Variants in ATRNL1 observed in about 807,000 individuals in gnomAD.
ATRNL1 encodes attractin-like protein 1.
A neutral mutation model predicts 182.7 loss-of-function variants in ATRNL1; 95 were observed. The observed-to-expected ratio is 0.52, with a 90% CI of 0.44 to 0.62. The LOEUF is 0.62. Ranked by LOEUF, ATRNL1 falls within the 20% of genes least tolerant of loss-of-function variation. The pLI, the probability that ATRNL1 is intolerant of heterozygous loss-of-function variation, is 0.00. For synonymous variants in ATRNL1, 576 were observed against 568.3 expected, an observed-to-expected ratio of 1.01 and a Z score of -0.19; for missense variants, 1,471 against 1,679.5, an observed-to-expected ratio of 0.88 and a Z score of 2.17.
At chr10:115,610,983 A>G (rs1555018813) in intron 26 of ATRNL1, among the ~76,000 whole-genome samples, 5 of 152,076 alleles carry the variant, frequency 3.3e-5, no homozygotes, top group Non-Finnish European at 1.5e-5. Flanking sequence ...AAACATGTAC[A>G]TGATATATTA....
intron 27 of ATRNL1, among the ~76,000 whole-genome samples, chr10:115,757,959 A>G (rs1318772086): frequency 6.6e-6 from 1 of 151,218 alleles, no homozygotes; most frequent in African/African-American, 2.4e-5. Context: ...TCGGTTATTG[A>G]TACTTGTGTA....
chr10:115,368,188 G>A (rs958198764), intron 19 of ATRNL1, among the ~76,000 whole-genome samples: 59 of 152,334 alleles, frequency 3.9e-4, no homozygotes, highest in African/African-American at 1.2e-3. Context: ...CTCCGTGGGC[G>A]TAGGACCCTC....
chr10:115,518,032 A>C (rs1850726922), intron 24 of ATRNL1, among the ~76,000 whole-genome samples: 1 of 151,954 alleles, frequency 6.6e-6, no homozygotes, highest in Non-Finnish European at 1.5e-5. Flanking sequence ...TACTATATTT[A>C]AGCTTACATG....
chr10:115,852,501 G>T (rs564599642), intron 28 of ATRNL1, among the ~76,000 whole-genome samples: 3 of 152,196 alleles, frequency 2.0e-5, no homozygotes, highest in Admixed American at 2.0e-4. Context: ...ATTCATTGGT[G>T]TGACCCTCTT....
At chr10:115,929,109 C>T (rs1589708145) in intron 28 of ATRNL1, among the ~76,000 whole-genome samples, 3 of 151,894 alleles carry the variant, frequency 2.0e-5, no homozygotes, top group Admixed American at 2.0e-4. Flanking sequence ...TGCATTTTTA[C>T]TCATTTCAAC....
chr10:115,139,632 G>T (rs974616584), intron 5 of ATRNL1, among the ~76,000 whole-genome samples: 1 of 152,146 alleles, frequency 6.6e-6, no homozygotes, highest in African/African-American at 2.4e-5. Context: ...CTTCCATAAC[G>T]TGGGAATTCA....
At chr10:115,104,220 T>C (rs1554865358) in intron 1 of ATRNL1, among the ~76,000 whole-genome samples, 1 of 152,204 alleles carries the variant, frequency 6.6e-6, no homozygotes, top group Non-Finnish European at 1.5e-5. Flanking sequence ...TGTCTGCCTT[T>C]TGGATATGAG....
chr10:115,599,132 G>A (rs537285995), intron 26 of ATRNL1, among the ~76,000 whole-genome samples: 28 of 152,274 alleles, frequency 1.8e-4, no homozygotes, highest in South Asian at 1.0e-3. Flanking sequence ...CAAGCTTAAA[G>A]TACTGTATTG....
intron 28 of ATRNL1, among the ~76,000 whole-genome samples, chr10:115,926,080 A>T (rs1383352664): frequency 2.6e-5 from 4 of 152,214 alleles, no homozygotes; most frequent in Non-Finnish European, 5.9e-5. Flanking sequence ...AGTGCAATCA[A>T]ATTAGAACTC....
intron 28 of ATRNL1, among the ~76,000 whole-genome samples, chr10:115,898,053 G>A (rs548400776): frequency 2.6e-5 from 4 of 151,868 alleles, no homozygotes; most frequent in Non-Finnish European, 4.4e-5. Context: ...TCAGCCTCCC[G>A]AGTAGCTGGG....
chr10:115,680,478 A>G (rs527598237), intron 26 of ATRNL1, among the ~76,000 whole-genome samples: 41 of 152,284 alleles, frequency 2.7e-4, no homozygotes, highest in South Asian at 1.9e-3. Flanking sequence ...CAAGATGCCT[A>G]GTAACTATAG....
intron 27 of ATRNL1, among the ~76,000 whole-genome samples, chr10:115,753,319 T>A (rs1948499783): frequency 1.2e-5 from 1 of 80,312 alleles, no homozygotes; most frequent in Non-Finnish European, 2.7e-5. Context: ...ATGCTATCCC[T>A]CCCCTAGTGC....
At chr10:115,472,483 A>G (rs1271630920) in intron 24 of ATRNL1, among the ~76,000 whole-genome samples, 8 of 151,026 alleles carry the variant, frequency 5.3e-5, no homozygotes, top group Non-Finnish European at 1.2e-4. Flanking sequence ...TGAACATAGG[A>G]TATTTTCCAT....
intron 24 of ATRNL1, among the ~76,000 whole-genome samples, chr10:115,493,081 T>A (rs1167214779): frequency 6.6e-6 from 1 of 150,712 alleles, no homozygotes; most frequent in African/African-American, 2.4e-5. Context: ...AAAAATAATC[T>A]TTTTTTTTGC....
At chr10:115,625,724 T>C (rs1481679299) in intron 26 of ATRNL1, among the ~76,000 whole-genome samples, 1 of 152,112 alleles carries the variant, frequency 6.6e-6, no homozygotes, top group African/African-American at 2.4e-5. Context: ...ATCAAGAACC[T>C]ATTCCCAGAA....
At chr10:115,453,896 A>G (rs916871713) in intron 21 of ATRNL1, among the ~76,000 whole-genome samples, 5 of 151,898 alleles carry the variant, frequency 3.3e-5, no homozygotes, top group Non-Finnish European at 7.4e-5. Flanking sequence ...ATGTATACAT[A>G]TGTAACTAAC....
At chr10:115,170,044 A>AT (rs1847226515) in intron 7 of ATRNL1, among the ~76,000 whole-genome samples, 2 of 152,238 alleles carry the variant, frequency 1.3e-5, no homozygotes, top group South Asian at 4.1e-4. Context: ...TTTTAAAAAA[A>AT]TTTTTAGGAC....
chr10:115,742,934 G>A (rs1348724166), intron 27 of ATRNL1, among the ~76,000 whole-genome samples: 1 of 152,140 alleles, frequency 6.6e-6, no homozygotes, highest in Non-Finnish European at 1.5e-5. Flanking sequence ...AGTTCAGCAT[G>A]GCTGGGGAGG....
intron 20 of ATRNL1, among the ~76,000 whole-genome samples, chr10:115,410,684 A>G (rs1845092352): frequency 6.6e-6 from 1 of 152,142 alleles, no homozygotes; most frequent in South Asian, 2.1e-4. Flanking sequence ...GGAAAAAAAG[A>G]GAAAAATAAG....
Sources: gnomAD v4.1 joint callset for allele counts (sites outside exome capture counted in the v4.1 genomes callset) on GRCh38, gnomAD v4.1.1 for gene constraint, MANE v1.5 for transcripts, NCBI Gene and HGNC (gene_info 2026-07-23, HGNC 2026-07-21) for gene names.